Variants in DLEC1 observed in about 807,000 individuals in gnomAD.
DLEC1 encodes DLEC1 cilia and flagella associated protein, also known as deleted in lung and esophageal cancer protein 1.
In DLEC1, 146 loss-of-function variants were observed where a neutral mutation model predicts 198.1. The ratio of observed to expected loss-of-function variants is 0.74; its 90% confidence interval spans 0.64 to 0.85. The LOEUF is 0.85. DLEC1 is among the 40% of genes least tolerant of loss of function. The pLI, the probability that DLEC1 is intolerant of heterozygous loss-of-function variation, is 0.00. For synonymous variants in DLEC1, 897 were observed against 866.8 expected, an observed-to-expected ratio of 1.03 and a Z score of -0.61; for missense variants, 2,233 against 2,220.0, an observed-to-expected ratio of 1.01 and a Z score of -0.12.
At chr3:38,088,257 A>G in intron 9 of DLEC1, 39 bp from the exon 10 acceptor site, 5 of 1,551,814 alleles carry the variant, frequency 3.2e-6, no homozygotes, top group East Asian at 2.3e-5. Context: ...GGCTTTTACA[A>G]TGTCTTCCAC....
chr3:38,104,390 G>A (rs1273796208), intron 19 of DLEC1, among the ~76,000 whole-genome samples: 1 of 152,214 alleles, frequency 6.6e-6, no homozygotes, highest in Non-Finnish European at 1.5e-5. Context: ...GTGGGAGGCA[G>A]AGGCTGCAGT....
Position 38,100,354 on chromosome 3 carries a change from C to T in DLEC1, c.2793C>T (p.Ile931=). 2 of 1,614,046 alleles carry T rather than the reference C, an allele frequency of 1.2e-6. No homozygotes were observed. Among genetic ancestry groups the T allele is most frequent in the Non-Finnish European group, 1.7e-6 (2 of 1,180,004 alleles). The change falls in exon 19 of 37, where the codon ATC becomes ATT. Residue 931 remains isoleucine, a synonymous_variant. Coordinates refer to ENST00000308059, the MANE Select transcript of DLEC1 (RefSeq NM_007335.4). The part of the protein sequence containing the change: ...LHSLGECRVD[I]TLEALHCQHL... ...CTCTGGGGGAGTGCAGGGTGGACATCACCTTGGAGGCCCTGCACTGCCAGC... is the reference window on the plus strand; with the variant it reads ...CTCTGGGGGAGTGCAGGGTGGACATTACCTTGGAGGCCCTGCACTGCCAGC...
chr3:38,097,434 T>A, intron 16 of DLEC1, 73 bp from the exon 17 acceptor site: 3 of 1,597,356 alleles, frequency 1.9e-6, no homozygotes, highest in Non-Finnish European at 2.6e-6. Flanking sequence ...GCAAGCCAGA[T>A]GTCTGGGCCC....
At position 38,097,175 on chromosome 3, in the gene DLEC1, C is replaced by T; in HGVS notation, c.2341-7C>T. On this transcript the variant is annotated splice_polypyrimidine_tract_variant and splice_region_variant and intron_variant, in intron 15 of 36. Coordinates refer to ENST00000308059, the MANE Select transcript of DLEC1 (RefSeq NM_007335.4). ...AAATGGGCAGCCTGGTCTCGGGTGTCTTTCAGATGTGGAACAACAGCAAGT... is the reference window on the plus strand; with the variant it reads ...AAATGGGCAGCCTGGTCTCGGGTGTTTTTCAGATGTGGAACAACAGCAAGT... 6 of 1,564,336 alleles carry T rather than the reference C, an allele frequency of 3.8e-6. No homozygotes were observed. The highest frequency in any genetic ancestry group is 5.2e-6 in the Non-Finnish European group (6 of 1,153,250).
At chr3:38,058,658 T>C (rs1415848400) in intron 2 of DLEC1, among the ~76,000 whole-genome samples, 8 of 152,168 alleles carry the variant, frequency 5.3e-5, no homozygotes, top group Non-Finnish European at 7.3e-5. Context: ...CACCTGTACA[T>C]TATAAATTTG....
intron 20 of DLEC1, among the ~76,000 whole-genome samples, chr3:38,108,126 C>T (rs1222467689): frequency 2.6e-5 from 4 of 152,236 alleles, no homozygotes; most frequent in Non-Finnish European, 5.9e-5. Context: ...GCACCAGAAG[C>T]ATCTGCCCTC....
In DLEC1 at chr3:38,110,243, C is replaced by A. The variant is rs745851171; in HGVS notation, c.3405C>A (p.Phe1135Leu). ...RTRFSLKFEY[F>L]GSPQNSLSKK... ...GTTTCTCCCTCAAGTTTGAGTATTT[C>A]GGGAGCCCCCAAAACAGCCTGAGCA... is the stretch of plus-strand genomic sequence containing the variant. The change falls in exon 23 of 37, where the codon TTC becomes TTA. Residue 1135 changes from phenylalanine to leucine, a missense_variant. Physicochemically the swap from Phe to Leu is conservative, Grantham distance 22. Coordinates refer to ENST00000308059, the MANE Select transcript of DLEC1 (RefSeq NM_007335.4). 6.2e-7 allele frequency: 1 copy of A among 1,614,124 alleles called. No individual in the cohort carries two copies. Among genetic ancestry groups the A allele is most frequent in the Non-Finnish European group, 8.5e-7 (1 of 1,180,016 alleles).
intron 10 of DLEC1, among the ~76,000 whole-genome samples, chr3:38,091,776 G>A (rs758160833): frequency 6.6e-6 from 1 of 152,068 alleles, no homozygotes; most frequent in Non-Finnish European, 1.5e-5. Flanking sequence ...TTAATCATCA[G>A]GGAAATGCAA....
At chr3:38,087,274 G>A (rs1698508583) in intron 9 of DLEC1, among the ~76,000 whole-genome samples, 2 of 149,416 alleles carry the variant, frequency 1.3e-5, no homozygotes, top group Admixed American at 6.7e-5. Context: ...CCATCAGCAT[G>A]CTCACACCAT....
chr3:38,115,475 T>G lies in DLEC1; in HGVS notation c.3856+422T>G, dbSNP rs540504447. On this transcript the variant is annotated intron_variant, in intron 27 of 36. Coordinates refer to ENST00000308059, the MANE Select transcript of DLEC1 (RefSeq NM_007335.4). ...AACGTGTTGAAGGGCCAGGCTCCCC[T>G]GTGGAGGGGAGGCAGAGTGTAGGCT... 8.6e-5 allele frequency among the ~76,000 whole-genome samples: 13 copies of G among 151,982 alleles called. No homozygotes were observed. In the East Asian group the frequency reaches 2.5e-3, roughly 30 times the overall value.
intron 2 of DLEC1, among the ~76,000 whole-genome samples, chr3:38,055,768 G>C (rs1013143596): frequency 6.6e-6 from 1 of 152,072 alleles, no homozygotes; most frequent in East Asian, 1.9e-4. Flanking sequence ...GGTTATCTGG[G>C]TTGCGGGGAG....
intron 18 of DLEC1, among the ~76,000 whole-genome samples, 161 bp downstream of exon 18, chr3:38,098,063 T>C (rs1016187721): frequency 6.6e-6 from 1 of 152,218 alleles, no homozygotes; most frequent in Admixed American, 6.5e-5. Flanking sequence ...GTTCTCCCCA[T>C]CGCTGAGGCA....
At chr3:38,121,889 G>A (rs1700487153) in intron 35 of DLEC1, 108 bp downstream of exon 35, 11 of 1,518,150 alleles carry the variant, frequency 7.2e-6, no homozygotes, top group Non-Finnish European at 9.7e-6. Flanking sequence ...TGGCTCCCAG[G>A]GCAGGCACCA....
intron 27 of DLEC1, 120 bp downstream of exon 27, chr3:38,115,173 G>C: frequency 9.3e-7 from 1 of 1,069,626 alleles, no homozygotes; most frequent in Non-Finnish European, 1.4e-6. Context: ...AGGTGTCCAG[G>C]GGGCCTGTGG....
At chr3:38,099,210 T>A (rs1256313240) in intron 18 of DLEC1, among the ~76,000 whole-genome samples, 2 of 152,056 alleles carry the variant, frequency 1.3e-5, no homozygotes, top group Non-Finnish European at 2.9e-5. Flanking sequence ...TTCCTGGGAT[T>A]TTCCAGAGCA....
chr3:38,043,295 A>AAGCATTTAAAATATTG (rs1700739934), intron 1 of DLEC1, among the ~76,000 whole-genome samples: 1 of 152,212 alleles, frequency 6.6e-6, no homozygotes, highest in Non-Finnish European at 1.5e-5. Flanking sequence ...CAATACAGTA[A>AAGCATTTAAAATATTG]AGCATTTACA....
chr3:38,054,588 C>A (rs1435043906), intron 2 of DLEC1, among the ~76,000 whole-genome samples: 2 of 152,214 alleles, frequency 1.3e-5, no homozygotes, highest in African/African-American at 4.8e-5. Flanking sequence ...GAACTCACTG[C>A]TTTTTCAGTG....
chr3:38,045,827 A>G (rs1700863269), intron 2 of DLEC1, 134 bp downstream of exon 2: 1 of 930,528 alleles, frequency 1.1e-6, no homozygotes, highest in Admixed American at 3.3e-5. Context: ...TAATATGAAT[A>G]TTACCACAAA....
intron 20 of DLEC1, among the ~76,000 whole-genome samples, chr3:38,107,984 T>C (rs1228704731): frequency 1.3e-5 from 2 of 152,172 alleles, no homozygotes; most frequent in African/African-American, 4.8e-5. Context: ...CTGGTGAACA[T>C]AGCTAGAGCC....
Sources: gnomAD v4.1 joint callset for allele counts (sites outside exome capture counted in the v4.1 genomes callset) on GRCh38, gnomAD v4.1.1 for gene constraint, MANE v1.5 for transcripts, NCBI Gene and HGNC (gene_info 2026-07-23, HGNC 2026-07-21) for gene names.